Variants in ITGA2 observed in about 807,000 individuals in gnomAD.
ITGA2 encodes integrin subunit alpha 2.
In ITGA2, 101 loss-of-function variants were observed where a neutral mutation model predicts 146.3. That is an observed-to-expected ratio of 0.69 (90% confidence interval 0.59 to 0.81). The LOEUF (loss-of-function observed/expected upper bound fraction) is 0.81, where lower values mean the gene tolerates loss of function less well. Ranked by LOEUF, ITGA2 falls within the 40% of genes least tolerant of loss-of-function variation. ITGA2 has a pLI of 0.00. For missense variants in ITGA2, 1,281 were observed against 1,402.7 expected (o/e 0.91, Z 1.39); for synonymous variants, 477 against 487.1 (o/e 0.98, Z 0.27).
intron 7 of ITGA2, among the ~76,000 whole-genome samples, chr5:53,054,388 T>C (rs997853490): frequency 2.0e-5 from 3 of 152,210 alleles, no homozygotes; most frequent in Non-Finnish European, 2.9e-5. Flanking sequence ...ATTCAAGACA[T>C]AGAATGCTCT....
rs1742974926 is a variant in ITGA2 at position 53,026,845 on chromosome 5, G to A, written c.162G>A (p.Gln54=). The A allele has an allele frequency of 6.2e-7, 1 of 1,613,436 alleles. No homozygotes were observed. The highest frequency in any genetic ancestry group is 1.1e-5 in the South Asian group (1 of 91,062). Residue 54 remains glutamine (Q), a synonymous_variant, in exon 2 of 30, where the codon CAG becomes CAA. Coordinates refer to ENST00000296585, the MANE Select transcript of ITGA2 (RefSeq NM_002203.4). Reference sequence around the variant, plus strand: ...AACAGTTTGGCTATGCAGTGCAGCAGTTTATAAATCCAAAAGGCAACTGGT... The same window carrying A: ...AACAGTTTGGCTATGCAGTGCAGCAATTTATAAATCCAAAAGGCAACTGGT... ...SSEQFGYAVQ[Q]FINPKGNWLL...
intron 1 of ITGA2, among the ~76,000 whole-genome samples, chr5:53,016,975 C>T (rs1390400910): frequency 6.6e-6 from 1 of 152,148 alleles, no homozygotes; most frequent in East Asian, 1.9e-4. Flanking sequence ...TGTCTTTCAG[C>T]TCCTGTATTA....
intron 23 of ITGA2, 117 bp from the exon 24 acceptor site, chr5:53,078,655 T>C (rs1745769518): frequency 1.5e-6 from 1 of 679,780 alleles, no homozygotes; most frequent in African/African-American, 1.8e-5. Context: ...GGTGCTTTTG[T>C]AACTAAAAGT....
intron 9 of ITGA2, among the ~76,000 whole-genome samples, chr5:53,056,460 A>G (rs547666054): frequency 6.6e-6 from 1 of 152,108 alleles, no homozygotes; most frequent in East Asian, 1.9e-4. Flanking sequence ...ATAATGTTTA[A>G]TCCTGGAGAG....
chr5:53,022,612 T>C (rs978664766), intron 1 of ITGA2, among the ~76,000 whole-genome samples: 1 of 152,098 alleles, frequency 6.6e-6, no homozygotes, highest in Non-Finnish European at 1.5e-5. Context: ...TGTCACCCAG[T>C]CTGCAGTGCA....
intron 21 of ITGA2, 51 bp from the exon 22 acceptor site, chr5:53,075,010 G>T (rs374401020): frequency 2.5e-6 from 3 of 1,190,326 alleles, no homozygotes; most frequent in South Asian, 1.3e-5. Context: ...TTTCACGTTG[G>T]CCTCTGAGTA....
At chr5:53,022,780 G>A (rs903881435) in intron 1 of ITGA2, among the ~76,000 whole-genome samples, 6 of 151,770 alleles carry the variant, frequency 4.0e-5, no homozygotes, top group Non-Finnish European at 7.4e-5. Flanking sequence ...TGCCAAGGAC[G>A]GTCTTGCACT....
At chr5:53,000,906 T>G (rs1358149486) in intron 1 of ITGA2, among the ~76,000 whole-genome samples, 4 of 145,146 alleles carry the variant, frequency 2.8e-5, no homozygotes, top group South Asian at 2.2e-4. Flanking sequence ...TGTTTTTTTT[T>G]TTTTTTTTTT....
chr5:53,031,977 C>G (rs16880669), intron 2 of ITGA2, among the ~76,000 whole-genome samples: 41,810 of 151,974 alleles, frequency 0.28, 5,843 homozygotes, highest in Admixed American at 0.32. Context: ...AGGCCTGTTG[C>G]AAGAACAATC....
At chr5:53,008,969 C>T (rs533939588) in intron 1 of ITGA2, among the ~76,000 whole-genome samples, 5 of 152,224 alleles carry the variant, frequency 3.3e-5, no homozygotes, top group East Asian at 3.9e-4. Flanking sequence ...ATGTGTCTAT[C>T]AGTTCCCCTT....
At position 53,073,790 on chromosome 5, in the gene ITGA2, T is replaced by C. The variant is rs3212589; in HGVS notation, c.2571+531T>C. Among the ~76,000 whole-genome samples, 954 of 151,952 alleles carry C rather than the reference T, an allele frequency of 6.3e-3. 10 individuals are homozygous for C. The highest frequency in any genetic ancestry group is 0.022 in the African/African-American group (911 of 41,496). On this transcript the variant is annotated intron_variant, in intron 20 of 29. Transcript: ENST00000296585. Reference sequence around the variant, plus strand: ...GCTGAGATTTTCCAAATGAGCTATCTGATTAAAGGATTAAACAATGATTTC... The same window carrying C: ...GCTGAGATTTTCCAAATGAGCTATCCGATTAAAGGATTAAACAATGATTTC...
Position 53,073,264 on chromosome 5 carries a change from G to A in ITGA2, c.2571+5G>A. On this transcript the variant is annotated splice_donor_5th_base_variant and intron_variant, in intron 20 of 29. Transcript: ENST00000296585. ...TTTGCATCATTCTCCCTGCCGGTATGTGATGAGACCCTGTACTTACTTCCA... is the reference window on the plus strand; with the variant it reads ...TTTGCATCATTCTCCCTGCCGGTATATGATGAGACCCTGTACTTACTTCCA... 1.2e-6 allele frequency: 2 copies of A among 1,611,974 alleles called. No homozygotes were observed. The highest frequency in any genetic ancestry group is 1.7e-4 in the Middle Eastern group (1 of 6,042).
At chr5:53,041,113 A>G (rs897978446) in intron 2 of ITGA2, among the ~76,000 whole-genome samples, 11 of 139,722 alleles carry the variant, frequency 7.9e-5, no homozygotes, top group African/African-American at 2.4e-4. Context: ...AACCCTTCCC[A>G]ATACTGACAT....
chr5:53,015,422 A>G (rs1461802681), intron 1 of ITGA2, among the ~76,000 whole-genome samples: 5 of 151,316 alleles, frequency 3.3e-5, no homozygotes, highest in Non-Finnish European at 5.9e-5. Context: ...TCTTCTCAGT[A>G]TTGATTTCTA....
chr5:53,083,629 C>T (rs1355048181), intron 27 of ITGA2, among the ~76,000 whole-genome samples, 176 bp downstream of exon 27: 1 of 152,212 alleles, frequency 6.6e-6, no homozygotes, highest in Non-Finnish European at 1.5e-5. Flanking sequence ...AATGCCCATC[C>T]AATTTAGCAG....
intron 7 of ITGA2, among the ~76,000 whole-genome samples, chr5:53,054,668 T>C (rs1030691691): frequency 3.9e-5 from 6 of 152,158 alleles, no homozygotes; most frequent in Admixed American, 6.6e-5. Context: ...CCTTCATGTA[T>C]ATACATGTGC....
At chr5:53,053,258 G>C (rs1421931) in intron 7 of ITGA2, among the ~76,000 whole-genome samples, 72,300 of 151,830 alleles carry the variant, frequency 0.48, 17,251 homozygotes, top group Middle Eastern at 0.52. Context: ...AATCCCAAAT[G>C]TCTCAAAAGC....
intron 23 of ITGA2, among the ~76,000 whole-genome samples, chr5:53,077,327 C>A (rs756396746): frequency 2.6e-5 from 4 of 151,832 alleles, no homozygotes; most frequent in African/African-American, 4.8e-5. Context: ...TACACAATAA[C>A]TTAGTGTATT....
At chr5:53,048,557 C>G in intron 5 of ITGA2, 80 bp downstream of exon 5, 1 of 1,609,190 alleles carries the variant, frequency 6.2e-7, no homozygotes. Context: ...TAGTGGCACC[C>G]AAACCCTCCT....
Sources: gnomAD v4.1 joint callset for allele counts (sites outside exome capture counted in the v4.1 genomes callset) on GRCh38, gnomAD v4.1.1 for gene constraint, MANE v1.5 for transcripts, NCBI Gene and HGNC (gene_info 2026-07-23, HGNC 2026-07-21) for gene names.